Variants in GLT8D2 observed in about 807,000 individuals in gnomAD.
GLT8D2 encodes the protein glycosyltransferase 8 domain containing 2, also known as glycosyltransferase 8 domain-containing protein 2.
A neutral mutation model predicts 44.5 loss-of-function variants in GLT8D2; 45 were observed. The observed-to-expected ratio is 1.01, with a 90% confidence interval of 0.80 to 1.30. The LOEUF (loss-of-function observed/expected upper bound fraction) is 1.30, where lower values mean the gene tolerates loss of function less well. Ranked by LOEUF, GLT8D2 falls within the 50% of genes most tolerant of loss-of-function variation. The probability of loss-of-function intolerance (pLI) is 0.00; values close to 1 mark genes in which losing one functional copy is unlikely to be tolerated. For synonymous variants in GLT8D2, 156 were observed against 157.2 expected (o/e 0.99, Z 0.06); for missense variants, 400 against 430.4 (o/e 0.93, Z 0.62).
intron 4 of GLT8D2, among the ~76,000 whole-genome samples, chr12:104,008,311 T>C (rs1283503748): frequency 2.6e-5 from 4 of 152,174 alleles, no homozygotes; most frequent in Non-Finnish European, 5.9e-5. Flanking sequence ...GAGGAACTTG[T>C]TGGGAACTGG....
At chr12:104,044,713 C>T (rs1382588867) in intron 1 of GLT8D2, among the ~76,000 whole-genome samples, 1 of 152,252 alleles carries the variant, frequency 6.6e-6, no homozygotes, top group East Asian at 1.9e-4. Context: ...CATCACTGGC[C>T]TAACGGCCAT....
intron 1 of GLT8D2, among the ~76,000 whole-genome samples, chr12:104,061,523 A>C (rs1299694424): frequency 1.3e-5 from 2 of 152,218 alleles, no homozygotes; most frequent in South Asian, 2.1e-4. Context: ...TTCCAGTTTT[A>C]TTTCAAATCC....
chr12:104,011,091 C>G (rs952641001), intron 4 of GLT8D2, among the ~76,000 whole-genome samples: 21 of 152,202 alleles, frequency 1.4e-4, no homozygotes, highest in Non-Finnish European at 1.5e-4. Context: ...CTAACTTAAG[C>G]CAAAAATACT....
chr12:104,005,091 A>G lies in GLT8D2; in HGVS notation c.113-1785T>C, dbSNP rs181693385. Among the ~76,000 whole-genome samples the G allele has an allele frequency of 2.1e-4, 32 of 152,300 alleles. No individual in the cohort carries two copies. The East Asian group carries it at 5.4e-3, about 26-fold the overall frequency. On this transcript the variant is annotated intron_variant, in intron 4 of 10. Transcript: ENST00000360814. ...GAAATAACACCACACATCTACAACC[A>G]TCTGATCTTTGACAAACCTGACAAA...
At chr12:104,028,525 T>C (rs975997633) in intron 1 of GLT8D2, among the ~76,000 whole-genome samples, 1 of 152,206 alleles carries the variant, frequency 6.6e-6, no homozygotes, top group East Asian at 1.9e-4. Context: ...CTGTGGGCCT[T>C]GGAGTCAGAC....
intron 8 of GLT8D2, among the ~76,000 whole-genome samples, chr12:103,995,066 A>C (rs1422004437): frequency 6.6e-6 from 1 of 151,954 alleles, no homozygotes; most frequent in Admixed American, 6.6e-5. Flanking sequence ...CCATCTTCAA[A>C]ATGCTGGAAG....
At chr12:104,002,284 C>A (rs971298256) in intron 5 of GLT8D2, among the ~76,000 whole-genome samples, 7 of 152,062 alleles carry the variant, frequency 4.6e-5, no homozygotes, top group Non-Finnish European at 1.0e-4. Context: ...TGTTTATTGG[C>A]CATTTGTATT....
intron 4 of GLT8D2, among the ~76,000 whole-genome samples, chr12:104,003,837 C>T (rs1271093309): frequency 1.3e-5 from 2 of 152,074 alleles, no homozygotes; most frequent in East Asian, 1.9e-4. Context: ...AAACCATACC[C>T]CCAAAGAGTT....
At chr12:103,995,589 ACTGT>A (rs1186027554) in intron 8 of GLT8D2, among the ~76,000 whole-genome samples, 1 of 152,194 alleles carries the variant, frequency 6.6e-6, no homozygotes. Flanking sequence ...TTACTTGTTT[ACTGT>A]CTGTCTGTTC....
intron 4 of GLT8D2, among the ~76,000 whole-genome samples, chr12:104,014,728 G>C (rs1467021723): frequency 6.6e-6 from 1 of 152,176 alleles, no homozygotes. Flanking sequence ...TGCAAGTCTT[G>C]AGGCCCCACA....
At chr12:104,013,521 A>T (rs943425814) in intron 4 of GLT8D2, among the ~76,000 whole-genome samples, 1 of 152,150 alleles carries the variant, frequency 6.6e-6, no homozygotes, top group African/African-American at 2.4e-5. Context: ...ATTTGTATAT[A>T]TGTCTTTGTA....
At chr12:104,022,679 G>A (rs1878053122) in intron 1 of GLT8D2, among the ~76,000 whole-genome samples, 1 of 151,692 alleles carries the variant, frequency 6.6e-6, no homozygotes, top group Non-Finnish European at 1.5e-5. Context: ...TAGCAGCTTT[G>A]GCATCTACAG....
intron 3 of GLT8D2, among the ~76,000 whole-genome samples, chr12:104,016,842 G>GA (rs1290310918): frequency 2.8e-5 from 4 of 142,054 alleles, no homozygotes; most frequent in East Asian, 2.0e-4. Context: ...AAGAAAGAAA[G>GA]AAAGAAAGAA....
chr12:104,022,049 AG>A (rs1566202858), intron 1 of GLT8D2, among the ~76,000 whole-genome samples: 12 of 132,198 alleles, frequency 9.1e-5, no homozygotes, highest in South Asian at 2.4e-4. Flanking sequence ...AAGAAGAAGA[AG>A]AAGAAGGGAA....
chr12:104,018,754 T>A (rs1053692005), intron 3 of GLT8D2, among the ~76,000 whole-genome samples: 1 of 152,120 alleles, frequency 6.6e-6, no homozygotes, highest in Non-Finnish European at 1.5e-5. Flanking sequence ...TCATGCAATA[T>A]TTGGGACATA....
rs777756369 is a variant in GLT8D2, at chr12:104,015,092, C to T, written c.33G>A (p.Leu11=). Reference sequence around the variant, plus strand: ...AGAGGGTCACGATCAGAAGGAACAGCAGCACCTGATTAACTGAAATAGAAA... The same window carrying T: ...AGAGGGTCACGATCAGAAGGAACAGTAGCACCTGATTAACTGAAATAGAAA... MALLRKINQV[L]LFLLIVTLCV... is the part of the protein sequence containing the mutation. The change falls in exon 4 of 11, where the codon CTG becomes CTA. Residue 11 remains leucine, a synonymous_variant. Transcript: ENST00000360814. 1 of 1,612,996 alleles carries T rather than the reference C, an allele frequency of 6.2e-7. No individual in the cohort carries two copies. Among genetic ancestry groups the T allele is most frequent in the Non-Finnish European group, 8.5e-7 (1 of 1,179,108 alleles).
At chr12:104,018,104 G>A (rs1418674639) in intron 3 of GLT8D2, among the ~76,000 whole-genome samples, 2 of 151,774 alleles carry the variant, frequency 1.3e-5, no homozygotes, top group African/African-American at 4.8e-5. Context: ...GAAGTAGCTG[G>A]GACTATAGAC....
chr12:104,035,186 T>G (rs1032732886), intron 1 of GLT8D2, among the ~76,000 whole-genome samples: 8 of 152,072 alleles, frequency 5.3e-5, no homozygotes, highest in Non-Finnish European at 1.5e-5. Flanking sequence ...AGACCAAAGG[T>G]AGATAAAATC....
chr12:103,994,470 T>C lies in GLT8D2; in HGVS notation c.632A>G (p.Lys211Arg), dbSNP rs200518430. The change falls in exon 9 of 11, where the codon AAG becomes AGG. Residue 211 changes from lysine to arginine, a missense_variant. By Grantham distance (26) the Lys-to-Arg change is conservative (BLOSUM62 2). Transcript: ENST00000360814. ...GATGCCAAGGTCCTTGATGGCCTTC[T>C]TCCGGTAGTCCAGATAGCCCATATA... is the stretch of plus-strand genomic sequence containing the variant. ...NTYMGYLDYR[K>R]KAIKDLGISP... 476 of 1,613,952 alleles carry C rather than the reference T, an allele frequency of 2.9e-4. 4 individuals are homozygous for C. The highest frequency in any genetic ancestry group is 9.2e-4 in the South Asian group (84 of 91,044).
Sources: gnomAD v4.1 joint callset for allele counts (sites outside exome capture counted in the v4.1 genomes callset) on GRCh38, gnomAD v4.1.1 for gene constraint, MANE v1.5 for transcripts, NCBI Gene and HGNC (gene_info 2026-07-23, HGNC 2026-07-21) for gene names.